ZNF730: variants seen among roughly 807,000 people sequenced by gnomAD.
ZNF730 encodes the protein zinc finger protein 730.
Under a neutral mutation model 12.6 loss-of-function variants are expected in ZNF730, and 12 were observed. That is an observed-to-expected ratio of 0.95 (90% CI 0.61 to 1.54). The LOEUF is 1.54. Among genes scored for constraint, ZNF730 ranks in the 40% most tolerant of loss-of-function variants. The pLI, the probability that ZNF730 is intolerant of heterozygous loss-of-function variation, is 0.00. For synonymous variants in ZNF730, 194 were observed against 195.8 expected, an observed-to-expected ratio of 0.99 and a Z score of 0.08; for missense variants, 643 against 583.5, an observed-to-expected ratio of 1.10 and a Z score of -1.05.
At position 23,129,572 on chromosome 19, in the gene ZNF730, T is replaced by TCCCCC. The variant is rs35242637; in HGVS notation, c.4-4502_4-4498dup. On this transcript the variant is annotated intron_variant, in intron 1 of 3. Coordinates refer to ENST00000597761, the MANE Select transcript of ZNF730 (RefSeq NM_001277403.2). ...TGACTGTATTTACCCAATGCTTGTA[T>TCCCCC]CCCCCCCCCCATTATATCAGGGAAG... 1.5e-3 allele frequency among the ~76,000 whole-genome samples: 212 copies of TCCCCC among 138,422 alleles called. 3 individuals carry two copies. Among genetic ancestry groups the TCCCCC allele is most frequent in the African/African-American group, 5.0e-3 (177 of 35,422 alleles). The allele number at this position is 138,422 out of a possible 152,430, so 90.8% of individuals were successfully genotyped here. A position where few individuals can be genotyped will look rare whatever the true frequency, so the allele number is the denominator to read the frequency against.
intron 1 of ZNF730, among the ~76,000 whole-genome samples, chr19:23,111,138 TTAAATA>T (rs1288341067): frequency 6.6e-6 from 1 of 151,488 alleles, no homozygotes; most frequent in African/African-American, 2.4e-5. Flanking sequence ...ATAATCTAAA[TTAAATA>T]TAAATTAAGT....
At position 23,122,067 on chromosome 19, in the gene ZNF730, GT is replaced by G. The variant is rs200655309; in HGVS notation, c.3+4900del. Reference sequence around the variant, plus strand: ...TTGCTTTGTTTTTGCTTTGGCAAAGGTTTTTTTTTGTTTTTGTTTATTTTCA... The same window carrying G: ...TTGCTTTGTTTTTGCTTTGGCAAAGGTTTTTTTTGTTTTTGTTTATTTTCA... On this transcript the variant is annotated intron_variant, in intron 1 of 3. Transcript: ENST00000597761. Among the ~76,000 whole-genome samples the G allele has an allele frequency of 5.5e-4, 78 of 141,030 alleles. 1 individual carries two copies. The highest frequency in any genetic ancestry group is 2.0e-3 in the African/African-American group (77 of 38,152). The allele number at this position is 141,030 out of a possible 152,430, so 92.5% of individuals were successfully genotyped here. A position where few individuals can be genotyped will look rare whatever the true frequency, so the allele number is the denominator to read the frequency against.
chr19:23,123,860 A>T (rs1270711561), intron 1 of ZNF730: 1 of 154,246 alleles, frequency 6.5e-6, no homozygotes, highest in African/African-American at 2.4e-5. Context: ...AAACCCTATT[A>T]GTATCCCATG....
chr19:23,143,059 A>G (rs1305515764), intron 3 of ZNF730, among the ~76,000 whole-genome samples: 1 of 152,022 alleles, frequency 6.6e-6, no homozygotes, highest in African/African-American at 2.4e-5. Flanking sequence ...CCTGGCTAAC[A>G]CGGTGAAACC....
rs548138790 is a variant in ZNF730 at position 23,120,259 on chromosome 19, T to C, written c.3+3083T>C. Among the ~76,000 whole-genome samples, 486 of 152,262 alleles carry C rather than the reference T, an allele frequency of 3.2e-3. 4 individuals are homozygous for C. The highest frequency in any genetic ancestry group is 9.0e-3 in the African/African-American group (372 of 41,558). ...ATCCTCCCACCTCGGCTTCCCAAAG[T>C]GCTGGGATTACAGGCATGAGCCAGC... On this transcript the variant is annotated intron_variant, in intron 1 of 3. Coordinates refer to ENST00000597761, the MANE Select transcript of ZNF730 (RefSeq NM_001277403.2).
At chr19:23,088,621 G>A (rs1029879359) in intron 1 of ZNF730, among the ~76,000 whole-genome samples, 71 of 151,236 alleles carry the variant, frequency 4.7e-4, no homozygotes, top group African/African-American at 1.7e-3. Context: ...GTGCTACCAC[G>A]CCTGGCTAAT....
chr19:23,088,112 G>A (rs773511993), intron 1 of ZNF730, among the ~76,000 whole-genome samples: 8 of 151,734 alleles, frequency 5.3e-5, no homozygotes, highest in African/African-American at 1.4e-4. Flanking sequence ...TCCGCCTCCC[G>A]GGTTCAAGCA....
chr19:23,104,335 T>G (rs1172609906), intron 1 of ZNF730, among the ~76,000 whole-genome samples: 2 of 148,354 alleles, frequency 1.3e-5, no homozygotes, highest in Non-Finnish European at 3.0e-5. Flanking sequence ...ACAGGACTCA[T>G]GAGGAGCTAA....
intron 1 of ZNF730, among the ~76,000 whole-genome samples, chr19:23,085,289 G>A (rs963934114): frequency 2.6e-5 from 4 of 151,582 alleles, no homozygotes; most frequent in Admixed American, 1.3e-4. Context: ...TTAAAGGTTC[G>A]TGTCCTTTAC....
intron 3 of ZNF730, 59 bp downstream of exon 3, chr19:23,136,102 A>G: frequency 1.6e-6 from 2 of 1,238,628 alleles, no homozygotes; most frequent in Admixed American, 5.7e-5. Flanking sequence ...TTAAAAAAAG[A>G]AAAAAAACCA....
chr19:23,081,566 C>T (rs182376460), intron 1 of ZNF730, among the ~76,000 whole-genome samples: 73 of 152,128 alleles, frequency 4.8e-4, no homozygotes, highest in African/African-American at 1.5e-3. Context: ...GTGATCCACC[C>T]GCCTCGGCTT....
intron 1 of ZNF730, chr19:23,127,451 C>G: frequency 1.8e-6 from 2 of 1,084,616 alleles, no homozygotes; most frequent in Non-Finnish European, 2.8e-6. Flanking sequence ...TGTCATTGAC[C>G]CTTCTCCTTC....
chr19:23,130,784 G>A (rs913029058), intron 1 of ZNF730, among the ~76,000 whole-genome samples: 5 of 152,066 alleles, frequency 3.3e-5, no homozygotes, highest in Non-Finnish European at 5.9e-5. Flanking sequence ...GTAAGCTTAG[G>A]AAAAACAAAA....
chr19:23,127,836 T>C (rs1970689189), intron 1 of ZNF730: 1 of 667,722 alleles, frequency 1.5e-6, no homozygotes, highest in South Asian at 1.7e-5. Flanking sequence ...CAAACAAATA[T>C]TGTCAGATTG....
chr19:23,088,985 T>A (rs971881833), intron 1 of ZNF730, among the ~76,000 whole-genome samples: 3 of 150,022 alleles, frequency 2.0e-5, no homozygotes, highest in Non-Finnish European at 4.4e-5. Context: ...TGATTCTTCT[T>A]CCTCAGCCTC....
intron 1 of ZNF730, among the ~76,000 whole-genome samples, chr19:23,110,935 C>G (rs1024556360): frequency 1.3e-5 from 2 of 152,152 alleles, no homozygotes; most frequent in African/African-American, 2.4e-5. Context: ...GTCAAATTAC[C>G]TATGATAACC....
At chr19:23,140,508 G>T in intron 3 of ZNF730, among the ~76,000 whole-genome samples, 1 of 151,464 alleles carries the variant, frequency 6.6e-6, no homozygotes, top group African/African-American at 2.4e-5. Flanking sequence ...CTACTTGGGA[G>T]GCTGAGACAG....
At chr19:23,122,691 A>G (rs932623338) in intron 1 of ZNF730, among the ~76,000 whole-genome samples, 1 of 152,224 alleles carries the variant, frequency 6.6e-6, no homozygotes, top group Non-Finnish European at 1.5e-5. Flanking sequence ...CAGAACAATT[A>G]GTATAGTTAG....
chr19:23,133,987 C>A, intron 1 of ZNF730, 93 bp from the exon 2 acceptor site: 1 of 1,501,470 alleles, frequency 6.7e-7, no homozygotes, highest in Non-Finnish European at 9.1e-7. Flanking sequence ...TAAGTAAGAC[C>A]CAATTATATT....
Sources: allele counts gnomAD v4.1 joint callset (sites outside exome capture counted in the v4.1 genomes callset), GRCh38; gene constraint gnomAD v4.1.1; transcripts MANE v1.5; gene names NCBI Gene and HGNC (gene_info 2026-07-23, HGNC 2026-07-21).